The following BACE2 variants were observed in gnomAD, a reference collection of about 807,000 sequenced individuals.
BACE2 encodes 56 kDa aspartic-like protease.
BACE2 carries 17 observed loss-of-function variants against 46.2 expected under a neutral mutation model. The ratio of observed to expected loss-of-function variants is 0.37; its 90% CI spans 0.25 to 0.55. The LOEUF (loss-of-function observed/expected upper bound fraction) is 0.55. Ranked by LOEUF, BACE2 falls within the 20% of genes least tolerant of loss-of-function variation. The pLI, the probability that BACE2 is intolerant of heterozygous loss-of-function variation, is 0.82. For missense variants in BACE2, 595 were observed against 698.1 expected, an observed-to-expected ratio of 0.85 and a Z score of 1.66; for synonymous variants, 277 against 295.9, an observed-to-expected ratio of 0.94 and a Z score of 0.66.
chr21:41,263,377 C>T (rs1360809147), intron 8 of BACE2, among the ~76,000 whole-genome samples: 1 of 152,154 alleles, frequency 6.6e-6, no homozygotes, highest in Non-Finnish European at 1.5e-5. Flanking sequence ...GTAATACATA[C>T]TTTAGTAGTT....
intron 1 of BACE2, among the ~76,000 whole-genome samples, chr21:41,192,015 G>A (rs1048396833): frequency 6.6e-6 from 1 of 152,198 alleles, no homozygotes; most frequent in Non-Finnish European, 1.5e-5. Context: ...CCATGAATCA[G>A]TGTATAATCA....
intron 1 of BACE2, among the ~76,000 whole-genome samples, chr21:41,222,281 G>A (rs1373940247): frequency 6.6e-6 from 1 of 152,226 alleles, no homozygotes; most frequent in East Asian, 1.9e-4. Flanking sequence ...TGAAAGGTGT[G>A]GTGTTATGGG....
At chr21:41,238,658 A>G (rs1235204038) in intron 3 of BACE2, among the ~76,000 whole-genome samples, 2 of 152,072 alleles carry the variant, frequency 1.3e-5, no homozygotes, top group African/African-American at 4.8e-5. Context: ...TTGTAGGGAC[A>G]TGGATGAAAT....
At chr21:41,179,758 G>A in intron 1 of BACE2, 3 of 875,530 alleles carry the variant, frequency 3.4e-6, no homozygotes, top group Non-Finnish European at 4.9e-6. Context: ...CCTGGTGTGG[G>A]GTGGGGTGGA....
intron 1 of BACE2, chr21:41,175,510 G>C (rs548498330): frequency 3.9e-5 from 6 of 152,508 alleles, no homozygotes; most frequent in Admixed American, 2.0e-4. Context: ...TCCAAAGCCA[G>C]TGCTTGGGAA....
chr21:41,177,323 A>C (rs1984892160), intron 1 of BACE2: 1 of 151,966 alleles, frequency 6.6e-6, no homozygotes, highest in Non-Finnish European at 1.5e-5. Flanking sequence ...AATCGACAGA[A>C]GGAAGGCAGG....
chr21:41,215,500 G>A (rs1328915885), intron 1 of BACE2, among the ~76,000 whole-genome samples: 4 of 152,198 alleles, frequency 2.6e-5, no homozygotes, highest in Non-Finnish European at 4.4e-5. Context: ...AAAGGCCCTC[G>A]AGGCCGCTGA....
At chr21:41,270,443 G>T (rs2088423050) in intron 8 of BACE2, among the ~76,000 whole-genome samples, 1 of 152,028 alleles carries the variant, frequency 6.6e-6, no homozygotes, top group South Asian at 2.1e-4. Context: ...ATGGAGATGG[G>T]GTCTTGCTCT....
intron 1 of BACE2, chr21:41,186,720 C>G (rs565236349): frequency 6.6e-6 from 1 of 152,400 alleles, no homozygotes; most frequent in African/African-American, 2.4e-5. Flanking sequence ...AGCAGCTGTG[C>G]ACAGCAGCGC....
At chr21:41,236,502 A>C (rs1987122534) in intron 2 of BACE2, 1 of 152,170 alleles carries the variant, frequency 6.6e-6, no homozygotes, top group Non-Finnish European at 1.5e-5. Flanking sequence ...TCTTACCTCC[A>C]GGGCCACGTG....
chr21:41,176,319 T>C (rs1054325299), intron 1 of BACE2: 1 of 152,214 alleles, frequency 6.6e-6, no homozygotes, highest in African/African-American at 2.4e-5. Flanking sequence ...GAGTCGTTGC[T>C]TCTTTCCCCA....
At chr21:41,239,266 A>C (rs182614001) in intron 3 of BACE2, among the ~76,000 whole-genome samples, 47 of 152,344 alleles carry the variant, frequency 3.1e-4, no homozygotes, top group African/African-American at 8.4e-4. Context: ...CTGAGAGCCT[A>C]TTAGGCCCTA....
At chr21:41,174,891 G>A (rs970411878) in intron 1 of BACE2, among the ~76,000 whole-genome samples, 2 of 152,128 alleles carry the variant, frequency 1.3e-5, no homozygotes, top group East Asian at 1.9e-4. Context: ...GATACTACCC[G>A]GACAATAGGG....
chr21:41,191,027 G>A (rs1985552072), intron 1 of BACE2, among the ~76,000 whole-genome samples: 1 of 152,108 alleles, frequency 6.6e-6, no homozygotes, highest in Admixed American at 6.5e-5. Context: ...ATGGGAACAG[G>A]CAGCAAAAAT....
intron 1 of BACE2, among the ~76,000 whole-genome samples, chr21:41,207,815 G>A (rs1340160372): frequency 6.6e-6 from 1 of 152,216 alleles, no homozygotes. Flanking sequence ...TTTGGTTTCT[G>A]CATCCAAGAG....
At chr21:41,270,105 TCATGTACTTTTTTGC>T (rs1423469191) in intron 8 of BACE2, among the ~76,000 whole-genome samples, 2 of 152,250 alleles carry the variant, frequency 1.3e-5, no homozygotes, top group African/African-American at 4.8e-5. Context: ...GAATATCTTT[TCATGTACTTTTTTGC>T]CATTCATGCA....
At chr21:41,245,928 C>A (rs373728365) in intron 5 of BACE2, 34 bp from the exon 6 acceptor site, 2 of 1,543,696 alleles carry the variant, frequency 1.3e-6, no homozygotes, top group Middle Eastern at 1.7e-4. Flanking sequence ...GCCACTGTCA[C>A]TCACGCACCT....
intron 8 of BACE2, among the ~76,000 whole-genome samples, chr21:41,264,562 G>T (rs1359898101): frequency 6.6e-6 from 1 of 152,074 alleles, no homozygotes; most frequent in East Asian, 1.9e-4. Context: ...AGGGAAGCAG[G>T]CACAGTCTTC....
chr21:41,269,831 GT>G (rs1167303297), intron 8 of BACE2, among the ~76,000 whole-genome samples: 5 of 152,148 alleles, frequency 3.3e-5, no homozygotes, highest in Non-Finnish European at 7.3e-5. Flanking sequence ...CATATATTTT[GT>G]TTTTTATTTC....
Sources: allele counts gnomAD v4.1 joint callset (sites outside exome capture counted in the v4.1 genomes callset), GRCh38; gene constraint gnomAD v4.1.1; transcripts MANE v1.5; gene names NCBI Gene and HGNC (gene_info 2026-07-23, HGNC 2026-07-21).